The following PLAG1 variants were observed in gnomAD, a reference collection of about 807,000 sequenced individuals.
The protein encoded by PLAG1 is PLAG1 zinc finger, also known as zinc finger protein PLAG1.
Under a neutral mutation model 35.5 loss-of-function variants are expected in PLAG1, and 7 were observed. The observed-to-expected ratio is 0.20, with a 90% confidence interval of 0.11 to 0.37. The LOEUF is 0.37. Among genes scored for constraint, PLAG1 ranks in the 10% least tolerant of loss-of-function variants. The pLI, the probability that PLAG1 is intolerant of heterozygous loss-of-function variation, is 1.00. For missense variants in PLAG1, 454 were observed against 602.8 expected (o/e 0.75, Z 2.58); for synonymous variants, 229 against 225.4 (o/e 1.02, Z -0.14).
intron 1 of PLAG1, among the ~76,000 whole-genome samples, chr8:56,204,505 T>A (rs1383615829): frequency 6.6e-6 from 1 of 151,932 alleles, no homozygotes; most frequent in African/African-American, 2.4e-5. Context: ...ACCTTCCAAT[T>A]TTGCCTTTGA....
At chr8:56,188,255 G>A (rs1374473479) in intron 1 of PLAG1, among the ~76,000 whole-genome samples, 1 of 152,172 alleles carries the variant, frequency 6.6e-6, no homozygotes, top group Non-Finnish European at 1.5e-5. Context: ...CCATCTTGCA[G>A]AGCCATTTGG....
Position 56,167,395 on chromosome 8 carries a change from G to T in PLAG1, c.351C>A (p.Asn117Lys), listed in dbSNP as rs1271994087. The T allele has an allele frequency of 6.2e-6, 10 of 1,613,842 alleles. No individual in the cohort carries two copies. In the East Asian group the frequency reaches 2.2e-4, roughly 36 times the overall value. Residue 117 changes from asparagine to lysine, a missense_variant, in exon 5 of 5, where the codon AAC (asparagine) becomes AAA (lysine). Transcript: ENST00000316981. The surrounding 1 kb of genome is among the most constrained non-coding windows in gnomAD (Gnocchi z 5.9). ...ATTCTTCGCACTTAAACGTCTCTTTGTTAGGGTCGTGTGTATGGAGGTGAT... is the reference window on the plus strand; with the variant it reads ...ATTCTTCGCACTTAAACGTCTCTTTTTTAGGGTCGTGTGTATGGAGGTGAT... ...LKNHLHTHDP[N>K]KETFKCEECG...
Position 56,170,367 on chromosome 8 carries a change from T to C in PLAG1, c.-118+724A>G, listed in dbSNP as rs146292150. Among the ~76,000 whole-genome samples, 115 of 152,334 alleles carry C rather than the reference T, an allele frequency of 7.5e-4. 1 individual carries two copies. Among genetic ancestry groups the C allele is most frequent in the African/African-American group, 2.6e-3 (109 of 41,576 alleles). The stretch of plus-strand genomic sequence containing the variant: ...TTGCTCTATTTCTGTTATATTCTCA[T>C]TCAAAAGCTAGCTCCTCTGCTTCCC... On this transcript the variant is annotated intron_variant, in intron 3 of 4. Coordinates refer to ENST00000316981, the MANE Select transcript of PLAG1 (RefSeq NM_002655.3).
At chr8:56,200,357 A>G (rs1812513869) in intron 1 of PLAG1, among the ~76,000 whole-genome samples, 1 of 152,274 alleles carries the variant, frequency 6.6e-6, no homozygotes, top group South Asian at 2.1e-4. Flanking sequence ...CATTCACAGA[A>G]TAGCTGAAGT....
chr8:56,203,527 A>G (rs1479747268), intron 1 of PLAG1, among the ~76,000 whole-genome samples: 1 of 152,126 alleles, frequency 6.6e-6, no homozygotes, highest in Non-Finnish European at 1.5e-5. Context: ...CTTAACATAC[A>G]GCATAGTTAA....
At chr8:56,186,402 C>T (rs912071949) in intron 1 of PLAG1, among the ~76,000 whole-genome samples, 1 of 151,948 alleles carries the variant, frequency 6.6e-6, no homozygotes, top group Admixed American at 6.6e-5. Flanking sequence ...GATGGGATCT[C>T]ACTCTGTCAT....
chr8:56,203,530 A>C (rs1441562402), intron 1 of PLAG1, among the ~76,000 whole-genome samples: 2 of 152,128 alleles, frequency 1.3e-5, no homozygotes, highest in African/African-American at 4.8e-5. Context: ...AACATACAGC[A>C]TAGTTAAATC....
At chr8:56,199,464 C>G (rs567456364) in intron 1 of PLAG1, among the ~76,000 whole-genome samples, 5 of 152,224 alleles carry the variant, frequency 3.3e-5, no homozygotes, top group African/African-American at 9.6e-5. Context: ...AAGTCTGGCA[C>G]TGATGAGGGG....
chr8:56,172,282 T>C (rs1478514064), intron 2 of PLAG1, among the ~76,000 whole-genome samples: 3 of 152,192 alleles, frequency 2.0e-5, no homozygotes, highest in African/African-American at 7.2e-5. Context: ...CAAGGGTATA[T>C]CTGAAAGCAG....
chr8:56,171,027 A>G (rs756450929), intron 3 of PLAG1, 64 bp downstream of exon 3: 2 of 250,684 alleles, frequency 8.0e-6, no homozygotes, highest in African/African-American at 2.3e-5. Context: ...CATAATATGC[A>G]TATCAGTCAA....
intron 1 of PLAG1, among the ~76,000 whole-genome samples, chr8:56,180,963 A>G (rs1328576897): frequency 6.6e-6 from 1 of 152,266 alleles, no homozygotes; most frequent in Non-Finnish European, 1.5e-5. Flanking sequence ...AACATATGAA[A>G]AAAAGCTCAT....
At position 56,166,834 on chromosome 8, in the gene PLAG1, G is replaced by A. The variant is rs1811371165; in HGVS notation, c.912C>T (p.Ala304=). 6.2e-7 allele frequency: 1 copy of A among 1,613,732 alleles called. No individual in the cohort carries two copies. The highest frequency in any genetic ancestry group is 1.3e-5 in the African/African-American group (1 of 74,888). Residue 304 remains alanine (A), a synonymous_variant, in exon 5 of 5, where the codon GCC becomes GCT. Transcript: ENST00000316981. ...PFQSMQSSGS[A]HQMITTLPLG... ...AAGGTAAAGTTGTGATCATTTGGTG[G>A]GCAGATCCCGAGCTCTGCATGGACT...
chr8:56,200,344 A>G (rs895949687), intron 1 of PLAG1, among the ~76,000 whole-genome samples: 3 of 152,264 alleles, frequency 2.0e-5, no homozygotes, highest in Non-Finnish European at 4.4e-5. Flanking sequence ...AAAATGGTAG[A>G]GCCATTCACA....
chr8:56,179,897 T>C (rs1186755695), intron 1 of PLAG1, among the ~76,000 whole-genome samples: 1 of 152,166 alleles, frequency 6.6e-6, no homozygotes, highest in Non-Finnish European at 1.5e-5. Flanking sequence ...TAACAATTGC[T>C]ATGGGAGAAA....
At chr8:56,172,885 T>C (rs982402785) in intron 2 of PLAG1, among the ~76,000 whole-genome samples, 1 of 152,162 alleles carries the variant, frequency 6.6e-6, no homozygotes, top group African/African-American at 2.4e-5. Context: ...AATTTAAGAC[T>C]TAAAAAGTTT....
intron 1 of PLAG1, among the ~76,000 whole-genome samples, chr8:56,200,765 T>C (rs917490362): frequency 2.6e-5 from 4 of 152,210 alleles, no homozygotes; most frequent in African/African-American, 9.6e-5. Context: ...TCCTAACTCA[T>C]GCCTTTTTCA....
intron 1 of PLAG1, among the ~76,000 whole-genome samples, chr8:56,180,735 A>G (rs2129228185): frequency 6.6e-6 from 1 of 152,304 alleles, no homozygotes; most frequent in Non-Finnish European, 1.5e-5. Context: ...TCCTTTCCCC[A>G]TTGCTTATTT....
At chr8:56,191,198 C>T (rs1302771499) in intron 1 of PLAG1, among the ~76,000 whole-genome samples, 1 of 152,072 alleles carries the variant, frequency 6.6e-6, no homozygotes, top group East Asian at 1.9e-4. Context: ...AGAGGATTCT[C>T]CCAGGGCTGG....
intron 1 of PLAG1, among the ~76,000 whole-genome samples, chr8:56,193,226 G>A (rs1812239989): frequency 6.6e-6 from 1 of 152,186 alleles, no homozygotes; most frequent in Non-Finnish European, 1.5e-5. Flanking sequence ...TGCAGGAGAG[G>A]CAATGGGTAT....
Sources: gnomAD v4.1 joint callset for allele counts (sites outside exome capture counted in the v4.1 genomes callset) on GRCh38, gnomAD v4.1.1 for gene constraint, Gnocchi (gnomAD v3.1) non-coding constraint, MANE v1.5 for transcripts, NCBI Gene and HGNC (gene_info 2026-07-23, HGNC 2026-07-21) for gene names.